Variants in MNAT1 observed in about 807,000 individuals in gnomAD.
MNAT1 encodes the protein MNAT1 component of CDK activating kinase.
MNAT1 carries 43 observed loss-of-function variants against 42.0 expected under a neutral mutation model. The ratio of observed to expected loss-of-function variants is 1.02; its 90% CI spans 0.80 to 1.32. The LOEUF (loss-of-function observed/expected upper bound fraction) is 1.32, where lower values mean the gene tolerates loss of function less well. Ranked by LOEUF, MNAT1 falls within the 40% of genes most tolerant of loss-of-function variation. The pLI is 0.00. For synonymous variants in MNAT1, 118 were observed against 120.0 expected, an observed-to-expected ratio of 0.98 and a Z score of 0.11; for missense variants, 306 against 350.4, an observed-to-expected ratio of 0.87 and a Z score of 1.01.
At chr14:60,939,953 T>C (rs1184976796) in intron 7 of MNAT1, among the ~76,000 whole-genome samples, 1 of 152,230 alleles carries the variant, frequency 6.6e-6, no homozygotes, top group Non-Finnish European at 1.5e-5. Flanking sequence ...TAGTTAGCTC[T>C]TCTTGTTGAA....
At chr14:60,880,367 A>T (rs573638237) in intron 7 of MNAT1, among the ~76,000 whole-genome samples, 8 of 152,168 alleles carry the variant, frequency 5.3e-5, no homozygotes, top group Non-Finnish European at 1.2e-4. Flanking sequence ...TTTGTGAGGG[A>T]TGGAGAGATG....
At chr14:60,753,040 C>T (rs1050759622) in intron 1 of MNAT1, among the ~76,000 whole-genome samples, 2 of 152,248 alleles carry the variant, frequency 1.3e-5, no homozygotes, top group Non-Finnish European at 2.9e-5. Flanking sequence ...GCTGGGATTA[C>T]AGGCGTGAGC....
At chr14:60,943,511 C>G (rs1197205675) in intron 7 of MNAT1, among the ~76,000 whole-genome samples, 1 of 152,206 alleles carries the variant, frequency 6.6e-6, no homozygotes, top group Non-Finnish European at 1.5e-5. Flanking sequence ...TCTGGCTAAT[C>G]TTTCAACTGT....
At chr14:60,735,465 C>G (rs2140278917) in intron 1 of MNAT1, among the ~76,000 whole-genome samples, 1 of 152,268 alleles carries the variant, frequency 6.6e-6, no homozygotes, top group East Asian at 1.9e-4. Flanking sequence ...TGAAGAAAAC[C>G]CGGACTGTAG....
intron 6 of MNAT1, among the ~76,000 whole-genome samples, chr14:60,838,075 A>T (rs1312223387): frequency 6.6e-6 from 1 of 151,694 alleles, no homozygotes; most frequent in Non-Finnish European, 1.5e-5. Flanking sequence ...GCCTGGCTAG[A>T]GGTTTATCAG....
At chr14:60,916,002 C>G (rs911423452) in intron 7 of MNAT1, among the ~76,000 whole-genome samples, 1 of 152,182 alleles carries the variant, frequency 6.6e-6, no homozygotes, top group Non-Finnish European at 1.5e-5. Flanking sequence ...ACAACTGAGT[C>G]AACAGCAGGA....
At chr14:60,966,291 T>A (rs1415099983) in intron 7 of MNAT1, among the ~76,000 whole-genome samples, 1 of 152,068 alleles carries the variant, frequency 6.6e-6, no homozygotes, top group Non-Finnish European at 1.5e-5. Flanking sequence ...GGCTACTTTT[T>A]CTATTTTTAG....
At chr14:60,788,372 C>T (rs2031717073) in intron 1 of MNAT1, among the ~76,000 whole-genome samples, 1 of 152,148 alleles carries the variant, frequency 6.6e-6, no homozygotes, top group Admixed American at 6.6e-5. Flanking sequence ...ATTTATAGAG[C>T]ACAGGCAGTA....
chr14:60,773,528 T>C (rs1010216763), intron 1 of MNAT1, among the ~76,000 whole-genome samples: 7 of 152,160 alleles, frequency 4.6e-5, no homozygotes, highest in African/African-American at 1.4e-4. Flanking sequence ...TATATATCAA[T>C]TGGGGTTTGG....
At chr14:60,758,519 A>C (rs576682833) in intron 1 of MNAT1, among the ~76,000 whole-genome samples, 1 of 151,762 alleles carries the variant, frequency 6.6e-6, no homozygotes, top group East Asian at 1.9e-4. Context: ...GACTATTTCA[A>C]CTGTCTCCTG....
intron 5 of MNAT1, among the ~76,000 whole-genome samples, chr14:60,818,194 G>A (rs554332211): frequency 1.9e-3 from 288 of 152,048 alleles, no homozygotes; most frequent in Non-Finnish European, 3.2e-3. Context: ...TGTTACTTAA[G>A]TTAGAAAACA....
At chr14:60,762,071 C>T (rs887370556) in intron 1 of MNAT1, among the ~76,000 whole-genome samples, 5 of 152,028 alleles carry the variant, frequency 3.3e-5, no homozygotes, top group African/African-American at 1.2e-4. Context: ...TTTACTGATT[C>T]TATTTTTCTT....
intron 3 of MNAT1, among the ~76,000 whole-genome samples, chr14:60,801,665 A>G (rs1284969689): frequency 1.3e-5 from 2 of 152,208 alleles, no homozygotes; most frequent in South Asian, 2.1e-4. Context: ...GGTATTATCA[A>G]AAAGATGAGA....
At chr14:60,808,281 A>G (rs1397542125) in intron 3 of MNAT1, 44 bp from the exon 4 acceptor site, 2 of 1,222,398 alleles carry the variant, frequency 1.6e-6, no homozygotes, top group Non-Finnish European at 2.3e-6. Context: ...CTCAAGATTT[A>G]TATTAAAAAT....
intron 7 of MNAT1, among the ~76,000 whole-genome samples, chr14:60,965,001 A>T (rs1027729951): frequency 6.6e-6 from 1 of 152,160 alleles, no homozygotes; most frequent in African/African-American, 2.4e-5. Context: ...ATTGGCATTA[A>T]TGTAGGTTGC....
chr14:60,856,928 C>G (rs933306394), intron 6 of MNAT1, among the ~76,000 whole-genome samples: 7 of 152,140 alleles, frequency 4.6e-5, no homozygotes, highest in African/African-American at 1.7e-4. Flanking sequence ...ATCCGCCCGC[C>G]TCGGCCTCCC....
chr14:60,810,985 T>C (rs1324213378), intron 4 of MNAT1, among the ~76,000 whole-genome samples: 1 of 152,204 alleles, frequency 6.6e-6, no homozygotes, highest in Admixed American at 6.5e-5. Flanking sequence ...TATATTGCTG[T>C]CTATCTCTCC....
At chr14:60,869,040 A>ATATATATTTTTT (rs1465360826) in intron 6 of MNAT1, among the ~76,000 whole-genome samples, 2 of 113,054 alleles carry the variant, frequency 1.8e-5, no homozygotes, top group African/African-American at 6.8e-5. Flanking sequence ...ATATATATAT[A>ATATATATTTTTT]TTTTTTTTTT....
intron 1 of MNAT1, among the ~76,000 whole-genome samples, chr14:60,745,407 A>G (rs1362848538): frequency 6.6e-6 from 1 of 152,014 alleles, no homozygotes; most frequent in African/African-American, 2.4e-5. Context: ...TCTCAGTTCT[A>G]TATGTACCTC....
Sources: allele counts gnomAD v4.1 joint callset (sites outside exome capture counted in the v4.1 genomes callset), GRCh38; gene constraint gnomAD v4.1.1; transcripts MANE v1.5; gene names NCBI Gene and HGNC (gene_info 2026-07-23, HGNC 2026-07-21).